Variants in ECEL1 observed in about 807,000 individuals in gnomAD.
ECEL1 encodes endothelin converting enzyme like 1, also known as endothelin-converting enzyme-like 1.
A neutral mutation model predicts 101.8 loss-of-function variants in ECEL1; 87 were observed. The ratio of observed to expected loss-of-function variants is 0.85; its 90% CI spans 0.72 to 1.02. The LOEUF (loss-of-function observed/expected upper bound fraction) is 1.02, where lower values mean the gene tolerates loss of function less well. ECEL1 is among the 50% of genes least tolerant of loss of function. ECEL1 has a pLI of 0.00. For missense variants in ECEL1, 1,032 were observed against 1,079.2 expected (o/e 0.96, Z 0.61); for synonymous variants, 487 against 468.7 (o/e 1.04, Z -0.50).
rs766534475 is a variant in ECEL1 at position 232,486,060 on chromosome 2, C to T, written c.594G>A (p.Pro198=). The change falls in exon 2 of 18, where the codon CCG becomes CCA. Residue 198 remains proline, a synonymous_variant. Coordinates refer to ENST00000304546, the MANE Select transcript of ECEL1 (RefSeq NM_004826.4). Reference sequence around the variant, plus strand: ...CCTCGATGACCTCTAGCATGGGTCGCGGGCCCAGTCGCTCGATCTCGCGCA... The same window carrying T: ...CCTCGATGACCTCTAGCATGGGTCGTGGGCCCAGTCGCTCGATCTCGCGCA... ...LDMREIERLG[P]RPMLEVIEDC... The T allele has an allele frequency of 6.2e-7, 1 of 1,606,302 alleles. No individual in the cohort carries two copies. Among genetic ancestry groups the T allele is most frequent in the Non-Finnish European group, 8.5e-7 (1 of 1,177,536 alleles).
rs538734535 is a variant in ECEL1 at position 232,486,759 on chromosome 2, G to C, written c.-101-5C>G. ...CGCATGGCCCTGGGGCCGCAGCTGCGGGAAGGGCGGAAGCAGGCTCAGGAG... is the reference window on the plus strand; with the variant it reads ...CGCATGGCCCTGGGGCCGCAGCTGCCGGAAGGGCGGAAGCAGGCTCAGGAG... On this transcript the variant is annotated splice_region_variant and splice_polypyrimidine_tract_variant and intron_variant, in intron 1 of 17. Transcript: ENST00000304546. 159 of 1,204,376 alleles carry C rather than the reference G, an allele frequency of 1.3e-4. 1 individual carries two copies. The African/African-American group carries it at 1.6e-3, about 12-fold the overall frequency. 74.6% of individuals were successfully genotyped at this position (1,204,376 alleles called of 1,614,324 possible).
rs765693591 is a variant in ECEL1 at position 232,481,810 on chromosome 2, A to T, written c.1836T>A (p.His612Gln). ...NYGGIGTIIGHELTHGYDDWG... is the reference protein window; with the variant it reads ...NYGGIGTIIGQELTHGYDDWG... Reference sequence around the variant, plus strand: ...AGTCGTCGTAGCCGTGGGTCAGCTCATGTCCAATGATGGTGCCGATGCCCC... The same window carrying T: ...AGTCGTCGTAGCCGTGGGTCAGCTCTTGTCCAATGATGGTGCCGATGCCCC... Residue 612 changes from histidine to glutamine, a missense_variant, in exon 13 of 18, where the codon CAT (histidine) becomes CAA (glutamine). Physicochemically the swap from His to Gln is conservative, Grantham distance 24. Coordinates refer to ENST00000304546, the MANE Select transcript of ECEL1 (RefSeq NM_004826.4). 3.7e-6 allele frequency: 6 copies of T among 1,613,920 alleles called. No homozygotes were observed. The South Asian group carries it at 6.6e-5, about 18-fold the overall frequency.
chr2:232,482,864 C>T lies in ECEL1; in HGVS notation c.1672G>A (p.Val558Met), dbSNP rs1367100506. ...CCAGGCACCCACGTGGACTTGTCCA[C>T]CTCCTGCCGAATCTTCTTAACTGAG... The part of the protein sequence containing the change: ...QLSVKKIRQE[V>M]DKSTWLLPPQ... Residue 558 changes from valine (V) to methionine (M), a missense_variant, in exon 10 of 18, where the codon GTG becomes ATG. Val to Met is a conservative substitution (Grantham distance 21). Transcript: ENST00000304546. 4 of 1,614,060 alleles carry T rather than the reference C, an allele frequency of 2.5e-6. No individual in the cohort carries two copies. The highest frequency in any genetic ancestry group is 1.7e-5 in the Admixed American group (1 of 60,032).
rs1458660829 is a variant in ECEL1 at position 232,481,493 on chromosome 2, G to A, written c.1989+13C>T. On this transcript the variant is annotated intron_variant, in intron 14 of 17. Transcript: ENST00000304546. ...CAGGCCTGAGGGGCACAAGGGGCAGGTGGGGGTCTCACCCGCTGGTTGTAG... is the reference window on the plus strand; with the variant it reads ...CAGGCCTGAGGGGCACAAGGGGCAGATGGGGGTCTCACCCGCTGGTTGTAG... The A allele has an allele frequency of 6.2e-7, 1 of 1,600,904 alleles. No homozygotes were observed. Among genetic ancestry groups the A allele is most frequent in the South Asian group, 1.1e-5 (1 of 88,806 alleles).
chr2:232,485,760 C>T lies in ECEL1; in HGVS notation c.786+108G>A, dbSNP rs1235926539. 7 of 1,392,248 alleles carry T rather than the reference C, an allele frequency of 5.0e-6. No homozygotes were observed. The South Asian group carries it at 8.1e-5, about 16-fold the overall frequency. The allele number at this position is 1,392,248 out of a possible 1,614,324, so 86.2% of individuals were successfully genotyped here. A position where few individuals can be genotyped will look rare whatever the true frequency, so the allele number is the denominator to read the frequency against. On this transcript the variant is annotated intron_variant, in intron 2 of 17. Coordinates refer to ENST00000304546, the MANE Select transcript of ECEL1 (RefSeq NM_004826.4). ...CCCTCCCCTCTCCTGCTCGTCTCTTCCCTCCTCTCCTCTCACGCACCCGCC... is the reference window on the plus strand; with the variant it reads ...CCCTCCCCTCTCCTGCTCGTCTCTTTCCTCCTCTCCTCTCACGCACCCGCC...
At chr2:232,483,218 G>A (rs200937309) in intron 8 of ECEL1, 39 bp from the exon 9 acceptor site, 24 of 1,577,736 alleles carry the variant, frequency 1.5e-5, no homozygotes, top group South Asian at 5.7e-5. Flanking sequence ...ACCAGGCCTC[G>A]GGAGACAGCC....
At position 232,486,215 on chromosome 2, in the gene ECEL1, A is replaced by G. The variant is rs1217767297; in HGVS notation, c.439T>C (p.Tyr147His). 6.2e-7 allele frequency: 1 copy of G among 1,601,326 alleles called. No individual in the cohort carries two copies. The highest frequency in any genetic ancestry group is 1.3e-5 in the African/African-American group (1 of 74,310). ...RHAIPDDKLTYGTIAAIGEQN... is the reference protein window; with the variant it reads ...RHAIPDDKLTHGTIAAIGEQN... Reference sequence around the variant, plus strand: ...TCGCCGATGGCCGCGATGGTGCCATAGGTGAGCTTGTCGTCGGGGATGGCG... The same window carrying G: ...TCGCCGATGGCCGCGATGGTGCCATGGGTGAGCTTGTCGTCGGGGATGGCG... Residue 147 changes from tyrosine to histidine, a missense_variant, in exon 2 of 18, where the codon TAT becomes CAT. Physicochemically the swap from Tyr to His is moderately conservative, Grantham distance 83. Transcript: ENST00000304546.
In ECEL1 at chr2:232,481,507, C is replaced by G. The variant is rs558915148; in HGVS notation, c.1988G>C (p.Arg663Pro). The G allele has an allele frequency of 1.2e-6, 2 of 1,607,574 alleles. No homozygotes were observed. Among genetic ancestry groups the G allele is most frequent in the Non-Finnish European group, 8.5e-7 (1 of 1,177,440 alleles). ...LYDNFTVYNQ[R>P]VNGKHTLGEN... ...ACAAGGGGCAGGTGGGGGTCTCACC[C>G]GCTGGTTGTAGACAGTGAAGTTGTC... Residue 663 changes from arginine to proline, a missense_variant and splice_region_variant, in exon 14 of 18, where the codon CGG (arginine) becomes CCG (proline). Transcript: ENST00000304546.
chr2:232,482,287 G>T, intron 12 of ECEL1, 131 bp downstream of exon 12: 1 of 1,214,546 alleles, frequency 8.2e-7, no homozygotes. Context: ...AGGGTCCACA[G>T]CTGTCCTGAC....
Position 232,484,823 on chromosome 2 carries a change from T to C in ECEL1, c.1037A>G (p.Gln346Arg). 1 of 1,614,020 alleles carries C rather than the reference T, an allele frequency of 6.2e-7. No homozygotes were observed. Among genetic ancestry groups the C allele is most frequent in the Non-Finnish European group, 8.5e-7 (1 of 1,180,016 alleles). ...SSMYNKVTLG[Q>R]LQKITPHLRW... ...CACGTGGGGGGTGATCTTCTGCAGC[T>C]GCCCCAGCGTCACCTTGTTGTACAT... The change falls in exon 5 of 18, where the codon CAG (glutamine) becomes CGG (arginine). Residue 346 changes from glutamine to arginine, a missense_variant. By Grantham distance (43) the Gln-to-Arg change is conservative (BLOSUM62 1). Coordinates refer to ENST00000304546, the MANE Select transcript of ECEL1 (RefSeq NM_004826.4).
At position 232,484,193 on chromosome 2, in the gene ECEL1, C is replaced by G. The variant is rs199597829; in HGVS notation, c.1215G>C (p.Val405=). Residue 405 remains valine (V), a synonymous_variant, in exon 7 of 18, where the codon GTG becomes GTC. Coordinates refer to ENST00000304546, the MANE Select transcript of ECEL1 (RefSeq NM_004826.4). ...ACAGGTGTTCACTCAGGACCACCACCACGCGCCACACCAGGTAGTTGTGCA... is the reference window on the plus strand; with the variant it reads ...ACAGGTGTTCACTCAGGACCACCACGACGCGCCACACCAGGTAGTTGTGCA... The part of the protein sequence containing the change: ...RVLHNYLVWR[V]VVVLSEHLSP... 2.5e-5 allele frequency: 40 copies of G among 1,612,940 alleles called. No individual in the cohort carries two copies. In the East Asian group the frequency reaches 8.9e-4, roughly 36 times the overall value.
chr2:232,480,381 G>A lies in ECEL1; in HGVS notation c.2228+18C>T, dbSNP rs1690545135. 7 of 1,613,538 alleles carry A rather than the reference G, an allele frequency of 4.3e-6. No homozygotes were observed. The Middle Eastern group carries it at 6.6e-4, about 152-fold the overall frequency. ...AAACACAAGGAGTGGACAAGGCCAG[G>A]CGGGCAGGTGGGCATACCTGTAGTG... On this transcript the variant is annotated intron_variant, in intron 17 of 17. Transcript: ENST00000304546.
rs375886726 is a variant in ECEL1, at chr2:232,480,489, C to G, written c.2152-14G>C. The G allele has an allele frequency of 6.2e-7, 1 of 1,613,582 alleles. No individual in the cohort carries two copies. Among genetic ancestry groups the G allele is most frequent in the South Asian group, 1.1e-5 (1 of 91,068 alleles). ...GATGCACCAGTTCTGGGTCCAGGAG[C>G]GGGGTGGAGGGGAGGAGGGGGAGAT... is the stretch of plus-strand genomic sequence containing the variant. On this transcript the variant is annotated splice_polypyrimidine_tract_variant and intron_variant, in intron 16 of 17. Coordinates refer to ENST00000304546, the MANE Select transcript of ECEL1 (RefSeq NM_004826.4).
chr2:232,481,806 G>C lies in ECEL1; in HGVS notation c.1840C>G (p.Leu614Val), dbSNP rs530513811. The C allele has an allele frequency of 3.7e-6, 6 of 1,614,018 alleles. No homozygotes were observed. Among genetic ancestry groups the C allele is most frequent in the Non-Finnish European group, 4.2e-6 (5 of 1,180,018 alleles). ...CCCCAGTCGTCGTAGCCGTGGGTCAGCTCATGTCCAATGATGGTGCCGATG... is the reference window on the plus strand; with the variant it reads ...CCCCAGTCGTCGTAGCCGTGGGTCACCTCATGTCCAATGATGGTGCCGATG... ...GGIGTIIGHELTHGYDDWGGQ... is the reference protein window; with the variant it reads ...GGIGTIIGHEVTHGYDDWGGQ... Residue 614 changes from leucine to valine, a missense_variant, in exon 13 of 18, where the codon CTG (leucine) becomes GTG (valine). Transcript: ENST00000304546.
At chr2:232,481,682 TC>T (rs756826367) in intron 13 of ECEL1, 52 bp from the exon 14 acceptor site, 33 of 960,654 alleles carry the variant, frequency 3.4e-5, no homozygotes, top group Non-Finnish European at 4.4e-5. Flanking sequence ...CCCCCTCCCC[TC>T]CCCACCCACC....
intron 14 of ECEL1, 82 bp from the exon 15 acceptor site, chr2:232,481,238 CT>C: frequency 1.3e-6 from 2 of 1,490,694 alleles, no homozygotes; most frequent in Non-Finnish European, 1.8e-6. Context: ...GCCCCAGCCC[CT>C]AATTCCTACC....
chr2:232,480,339 C>A (rs1048151553), intron 17 of ECEL1, 60 bp downstream of exon 17: 1 of 1,611,432 alleles, frequency 6.2e-7, no homozygotes, highest in East Asian at 2.2e-5. Flanking sequence ...CCTTCCCATG[C>A]CCCCTGATCC....
chr2:232,482,656 G>C, intron 10 of ECEL1, 48 bp from the exon 11 acceptor site: 1 of 1,574,456 alleles, frequency 6.4e-7, no homozygotes, highest in Non-Finnish European at 8.7e-7. Flanking sequence ...TCCCTCCCCC[G>C]CTACCCTCAC....
Position 232,486,169 on chromosome 2 carries a change from CGTAGGCGCT to C in ECEL1, c.476_484del (p.Glu159_Arg162delinsGly). The C allele has an allele frequency of 6.3e-7, 1 of 1,583,462 alleles. No homozygotes were observed. The highest frequency in any genetic ancestry group is 8.5e-7 in the Non-Finnish European group (1 of 1,170,092). ...ACCCCCGGGCCGCGCCAGCAGGCGCCGTAGGCGCTCCTCGTTTTGCTCGCCGATGGCCGC... is the reference window on the plus strand; with the variant it reads ...ACCCCCGGGCCGCGCCAGCAGGCGCCCCTCGTTTTGCTCGCCGATGGCCGC... On this transcript the variant is annotated inframe_deletion, in exon 2 of 18. Coordinates refer to ENST00000304546, the MANE Select transcript of ECEL1 (RefSeq NM_004826.4).
Sources: gnomAD v4.1 joint callset for allele counts on GRCh38, gnomAD v4.1.1 for gene constraint, MANE v1.5 for transcripts, NCBI Gene and HGNC (gene_info 2026-07-23, HGNC 2026-07-21) for gene names.